Variants in LINGO1 observed in about 807,000 individuals in gnomAD.
LINGO1 encodes leucine rich repeat and Ig domain containing 1, also known as leucine-rich repeat and immunoglobulin-like domain-containing nogo receptor-interacting protein 1.
A neutral mutation model predicts 37.3 loss-of-function variants in LINGO1; 11 were observed. The observed-to-expected ratio is 0.29, with a 90% CI of 0.19 to 0.49. The LOEUF (loss-of-function observed/expected upper bound fraction) is 0.49. Among genes scored for constraint, LINGO1 ranks in the 20% least tolerant of loss-of-function variants. The pLI, the probability that LINGO1 is intolerant of heterozygous loss-of-function variation, is 0.99. For synonymous variants in LINGO1, 387 were observed against 403.0 expected (o/e 0.96, Z 0.48); for missense variants, 585 against 878.2 (o/e 0.67, Z 4.22).
intron 2 of LINGO1, among the ~76,000 whole-genome samples, chr15:77,793,862 G>A (rs540042787): frequency 3.5e-4 from 54 of 152,262 alleles, no homozygotes; most frequent in African/African-American, 1.3e-3. Context: ...ACACCCAAGC[G>A]CTCACACTTT....
At chr15:77,672,804 T>C (rs2075272983) in intron 3 of LINGO1, among the ~76,000 whole-genome samples, 1 of 152,216 alleles carries the variant, frequency 6.6e-6, no homozygotes, top group Non-Finnish European at 1.5e-5. Flanking sequence ...TGTCCCCGAC[T>C]TCCCTTTGCC....
chr15:77,763,933 C>A (rs1476111344), intron 1 of LINGO1, among the ~76,000 whole-genome samples: 1 of 152,184 alleles, frequency 6.6e-6, no homozygotes, highest in Non-Finnish European at 1.5e-5. Flanking sequence ...CCACCCTCCC[C>A]CAAGTCTCCT....
intron 1 of LINGO1, among the ~76,000 whole-genome samples, chr15:77,814,158 T>C (rs747720833): frequency 2.0e-5 from 3 of 151,866 alleles, no homozygotes; most frequent in Non-Finnish European, 4.4e-5. Context: ...AAGAAGGGAG[T>C]CTCTAGAACC....
At chr15:77,633,060 G>A (rs557964372), upstream of LINGO1, among the ~76,000 whole-genome samples, 1 of 151,978 alleles carries the variant, frequency 6.6e-6, no homozygotes, top group East Asian at 2.0e-4. Context: ...CAGCGGAGGG[G>A]GCGGAGAGCG....
chr15:77,745,517 C>T (rs2076305570), intron 1 of LINGO1, among the ~76,000 whole-genome samples: 1 of 152,290 alleles, frequency 6.6e-6, no homozygotes, highest in East Asian at 1.9e-4. Flanking sequence ...GCCACCCCAA[C>T]CTGGCGGCTC....
chr15:77,682,031 C>G (rs2075422694), intron 2 of LINGO1, among the ~76,000 whole-genome samples: 2 of 152,014 alleles, frequency 1.3e-5, no homozygotes, highest in Admixed American at 1.3e-4. Flanking sequence ...TGTTTCAAAC[C>G]CAGGCAGTCC....
chr15:77,766,553 G>A (rs2076532437), intron 1 of LINGO1, among the ~76,000 whole-genome samples: 1 of 152,184 alleles, frequency 6.6e-6, no homozygotes, highest in Admixed American at 6.5e-5. Context: ...GCAGGGCCAG[G>A]TAGAGGTAAT....
intron 1 of LINGO1, among the ~76,000 whole-genome samples, chr15:77,626,847 A>G (rs557480422): frequency 7.3e-6 from 1 of 137,524 alleles, no homozygotes; most frequent in Non-Finnish European, 1.6e-5. Context: ...GATCAAGGCT[A>G]CTGCAGGAGG....
chr15:77,620,061 G>A lies in LINGO1; in HGVS notation c.7-4161C>T, dbSNP rs533877119. ...CATCTAGGGATGCTGGCAGAGTCAC[G>A]TCTGCGGGGTCACCCAAACTGCTGA... is the stretch of plus-strand genomic sequence containing the variant. On this transcript the variant is annotated intron_variant, in intron 1 of 1. Transcript: ENST00000355300. 1.6e-3 allele frequency among the ~76,000 whole-genome samples: 248 copies of A among 151,998 alleles called. 1 individual carries two copies. The highest frequency in any genetic ancestry group is 5.6e-3 in the African/African-American group (232 of 41,472).
chr15:77,817,580 T>C (rs1473365268), intron 1 of LINGO1, among the ~76,000 whole-genome samples: 2 of 152,102 alleles, frequency 1.3e-5, no homozygotes, highest in East Asian at 1.9e-4. Flanking sequence ...AGGAAGCACA[T>C]ATTTAACCAA....
chr15:77,710,802 C>T (rs957377373), intron 2 of LINGO1, among the ~76,000 whole-genome samples: 5 of 152,264 alleles, frequency 3.3e-5, no homozygotes, highest in African/African-American at 7.2e-5. Context: ...GCTGGCCAAC[C>T]GTGCCGGGCC....
Position 77,615,604 on chromosome 15 carries a change from C to G in LINGO1, c.303G>C (p.Glu101Asp), listed in dbSNP as rs769519120. 1.2e-6 allele frequency: 2 copies of G among 1,611,222 alleles called. No homozygotes were observed. The highest frequency in any genetic ancestry group is 2.2e-5 in the East Asian group (1 of 44,728). ...CGGCGCTCACGATGTTCTCGTTGAG[C>G]TCCAGCTCCTCCAGGTGCGGGAAGC... ...FASFPHLEEL[E>D]LNENIVSAVE... The change falls in exon 2 of 2, where the codon GAG becomes GAC. Residue 101 changes from glutamate (E) to aspartate (D), a missense_variant. Glu to Asp is a conservative substitution (Grantham distance 45). Around this residue, in one of 4 missense-constraint regions of LINGO1, gnomAD observed 484 missense variants for 735.0 expected, o/e 0.66. Transcript: ENST00000355300.
At chr15:77,782,050 A>G (rs1596225518) in intron 1 of LINGO1, among the ~76,000 whole-genome samples, 1 of 152,366 alleles carries the variant, frequency 6.6e-6, no homozygotes, top group East Asian at 1.9e-4. Context: ...TTTTGGAGGA[A>G]AACGAGGAGC....
intron 3 of LINGO1, among the ~76,000 whole-genome samples, chr15:77,662,887 C>A (rs547627624): frequency 6.6e-6 from 1 of 152,368 alleles, no homozygotes; most frequent in East Asian, 1.9e-4. Flanking sequence ...AGAACCCACA[C>A]TCCCTGGGCT....
upstream of LINGO1, among the ~76,000 whole-genome samples, chr15:77,791,116 G>T (rs2076815289): frequency 6.6e-6 from 1 of 152,196 alleles, no homozygotes; most frequent in African/African-American, 2.4e-5. Context: ...TCCTGATGCA[G>T]AGCCAGGCTT....
chr15:77,726,639 C>A (rs561534413), intron 2 of LINGO1, among the ~76,000 whole-genome samples: 1 of 152,332 alleles, frequency 6.6e-6, no homozygotes, highest in African/African-American at 2.4e-5. Context: ...AACTATACCA[C>A]TCCTAAAATA....
chr15:77,632,267 C>G lies in LINGO1; in HGVS notation c.6+43G>C. ...TGGCGGCCCCCAGGGGCACTCGCCG[C>G]GGGGCTGCCCGCTCGGGGCTCGGCC... On this transcript the variant is annotated intron_variant, in intron 1 of 1. Coordinates refer to ENST00000355300, the MANE Select transcript of LINGO1 (RefSeq NM_032808.7). This position sits in a 1 kb window ranked among gnomAD's most constrained non-coding sequence, Gnocchi z 6.0. 7.3e-7 allele frequency: 1 copy of G among 1,372,272 alleles called. No homozygotes were observed. Among genetic ancestry groups the G allele is most frequent in the Non-Finnish European group, 9.4e-7 (1 of 1,067,260 alleles). 85.0% of individuals were successfully genotyped at this position (1,372,272 alleles called of 1,614,324 possible). A position where few individuals can be genotyped will look rare whatever the true frequency, so the allele number is the denominator to read the frequency against.
At chr15:77,710,314 C>G (rs1044514160) in intron 2 of LINGO1, among the ~76,000 whole-genome samples, 3 of 152,210 alleles carry the variant, frequency 2.0e-5, no homozygotes, top group African/African-American at 7.2e-5. Flanking sequence ...GCTCTAAATG[C>G]TGGTTAATTG....
chr15:77,753,120 G>A (rs541946239), intron 1 of LINGO1, among the ~76,000 whole-genome samples: 5 of 152,302 alleles, frequency 3.3e-5, no homozygotes, highest in Middle Eastern at 3.4e-3. Flanking sequence ...CATGGGTCCC[G>A]CGTGCTGGAG....
Sources: allele counts gnomAD v4.1 joint callset (sites outside exome capture counted in the v4.1 genomes callset), GRCh38; gene constraint gnomAD v4.1.1; regional missense constraint gnomAD v4.1.1; non-coding constraint Gnocchi (gnomAD v3.1); transcripts MANE v1.5; gene names NCBI Gene and HGNC (gene_info 2026-07-23, HGNC 2026-07-21).